The following KLRD1 variants were observed in gnomAD, a reference collection of about 807,000 sequenced individuals.
The protein encoded by KLRD1 is killer cell lectin like receptor D1.
In KLRD1, 21 loss-of-function variants were observed where a neutral mutation model predicts 22.6. That is an observed-to-expected ratio of 0.93 (90% CI 0.66 to 1.34). The LOEUF (loss-of-function observed/expected upper bound fraction) is 1.34. Ranked by LOEUF, KLRD1 falls within the 40% of genes most tolerant of loss-of-function variation. The probability of loss-of-function intolerance (pLI) is 0.00; values close to 1 mark genes in which losing one functional copy is unlikely to be tolerated. For missense variants in KLRD1, 183 were observed against 208.6 expected (o/e 0.88, Z 0.76); for synonymous variants, 59 against 71.1 (o/e 0.83, Z 0.85).
In KLRD1 at chr12:10,318,194, C is replaced by G. The variant is rs1479408854; in HGVS notation, c.*3401C>G. 7.2e-5 allele frequency: 11 copies of G among 152,114 alleles called. No individual in the cohort carries two copies. The highest frequency in any genetic ancestry group is 7.2e-4 in the Admixed American group (11 of 15,274). The allele number at this position is 152,114 out of a possible 1,614,324, so 9.4% of individuals were successfully genotyped here. A position where few individuals can be genotyped will look rare whatever the true frequency, so the allele number is the denominator to read the frequency against. ...GCTCTTTGCTTATTTCCAGAGATGC[C>G]TAGGTGTCTGTTTTTGACTCTTGGC... On this transcript the variant is annotated 3_prime_UTR_variant, in exon 6 of 6. Transcript: ENST00000336164.
At position 10,314,829 on chromosome 12, in the gene KLRD1, C is replaced by G; in HGVS notation, c.*36C>G. The G allele has an allele frequency of 6.4e-7, 1 of 1,565,190 alleles. No individual in the cohort carries two copies. The highest frequency in any genetic ancestry group is 8.7e-7 in the Non-Finnish European group (1 of 1,151,640). ...GGGCAGAGAAGGTGGAGAGTAAAGA[C>G]CCAACATTACTAACAATGATACAGT... On this transcript the variant is annotated 3_prime_UTR_variant, in exon 6 of 6. Coordinates refer to ENST00000336164, the MANE Select transcript of KLRD1 (RefSeq NM_002262.5).
intron 1 of KLRD1, among the ~76,000 whole-genome samples, chr12:10,279,028 G>T (rs1949617341): frequency 6.8e-6 from 1 of 147,702 alleles, no homozygotes. Flanking sequence ...GGGTACCTGT[G>T]GAGATTTGCT....
At chr12:10,303,522 T>A (rs989872256), upstream of KLRD1, among the ~76,000 whole-genome samples, 5 of 152,208 alleles carry the variant, frequency 3.3e-5, no homozygotes, top group African/African-American at 1.2e-4. Flanking sequence ...CTTTTCCTGA[T>A]ATAGATAATT....
intron 1 of KLRD1, among the ~76,000 whole-genome samples, chr12:10,290,842 T>C (rs1217808296): frequency 2.6e-5 from 4 of 152,134 alleles, no homozygotes; most frequent in African/African-American, 7.2e-5. Flanking sequence ...TATATATATA[T>C]ACACAAATAC....
rs1235042671 is a variant in KLRD1 at position 10,319,660 on chromosome 12, G to A, written c.*4867G>A. On this transcript the variant is annotated 3_prime_UTR_variant, in exon 6 of 6. Coordinates refer to ENST00000336164, the MANE Select transcript of KLRD1 (RefSeq NM_002262.5). ...AAGACTCTTACACACAGCCAGCAAGGAACTGAAGTCTATTTCCAATAGCCA... is the reference window on the plus strand; with the variant it reads ...AAGACTCTTACACACAGCCAGCAAGAAACTGAAGTCTATTTCCAATAGCCA... The A allele has an allele frequency of 6.6e-6, 1 of 152,044 alleles. No individual in the cohort carries two copies. Among genetic ancestry groups the A allele is most frequent in the Non-Finnish European group, 1.5e-5 (1 of 68,048 alleles). 9.4% of individuals were successfully genotyped at this position (152,044 alleles called of 1,614,324 possible).
intron 1 of KLRD1, among the ~76,000 whole-genome samples, chr12:10,280,759 C>A (rs1232433772): frequency 6.6e-6 from 1 of 151,982 alleles, no homozygotes; most frequent in Non-Finnish European, 1.5e-5. Flanking sequence ...CAGAATGCAG[C>A]AAAAAAGCAT....
intron 1 of KLRD1, among the ~76,000 whole-genome samples, chr12:10,260,629 C>T (rs529229295): frequency 1.1e-4 from 14 of 127,864 alleles, no homozygotes; most frequent in Admixed American, 9.0e-4. Context: ...GATGAAACCC[C>T]GTCTCTACTA....
At chr12:10,240,129 C>G (rs1949227105) in intron 1 of KLRD1, among the ~76,000 whole-genome samples, 1 of 151,688 alleles carries the variant, frequency 6.6e-6, no homozygotes, top group South Asian at 2.1e-4. Flanking sequence ...GGCGTGATCT[C>G]AGCTCAATGC....
chr12:10,266,463 C>A (rs7962865), intron 1 of KLRD1, among the ~76,000 whole-genome samples: 86,595 of 151,712 alleles, frequency 0.57, 27,296 homozygotes, highest in Admixed American at 0.74. Flanking sequence ...TAAAAAAATT[C>A]TTTGTATTTA....
chr12:10,285,476 T>G (rs536842186), intron 1 of KLRD1, among the ~76,000 whole-genome samples: 1 of 152,338 alleles, frequency 6.6e-6, no homozygotes, highest in East Asian at 1.9e-4. Context: ...CTGAAATAAC[T>G]CAGGGACAAA....
Position 10,314,768 on chromosome 12 carries a change from A to G in KLRD1, c.515A>G (p.Tyr172Cys), listed in dbSNP as rs1426156317. The part of the protein sequence containing the change: ...LDESCEDKNR[Y>C]ICKQQLI Reference sequence around the variant, plus strand: ...GAATCCTGTGAAGATAAAAATCGTTATATCTGTAAGCAACAGCTCATTTAA... The same window carrying G: ...GAATCCTGTGAAGATAAAAATCGTTGTATCTGTAAGCAACAGCTCATTTAA... The change falls in exon 6 of 6, where the codon TAT becomes TGT. Residue 172 changes from tyrosine (Y) to cysteine (C), a missense_variant. Transcript: ENST00000336164. 1.3e-5 allele frequency: 21 copies of G among 1,606,618 alleles called. No homozygotes were observed. Among genetic ancestry groups the G allele is most frequent in the Non-Finnish European group, 1.6e-5 (19 of 1,177,536 alleles).
At chr12:10,303,769 T>C (rs1435137013), upstream of KLRD1, among the ~76,000 whole-genome samples, 1 of 152,190 alleles carries the variant, frequency 6.6e-6, no homozygotes, top group Non-Finnish European at 1.5e-5. Context: ...AGCCCCTGCA[T>C]ATAAGATAAG....
At position 10,276,039 on chromosome 12, in the gene KLRD1, A is replaced by T. The variant is rs1254108964; in HGVS notation, c.-100-31939A>T. ...ATTATATTTGTGTGAATAGAATGAA[A>T]CTATACTTTTTTTGCATTGTTTTAT... On this transcript the variant is annotated intron_variant, in intron 1 of 5. Coordinates refer to the KLRD1 transcript ENST00000544747. Among the ~76,000 whole-genome samples the T allele has an allele frequency of 2.0e-5, 3 of 152,184 alleles. No homozygotes were observed. In the East Asian group the frequency reaches 5.8e-4, roughly 29 times the overall value.
At chr12:10,272,680 A>G (rs1039324138) in intron 1 of KLRD1, among the ~76,000 whole-genome samples, 9 of 152,216 alleles carry the variant, frequency 5.9e-5, no homozygotes, top group Non-Finnish European at 1.0e-4. Context: ...GACCAAGGCA[A>G]CAGAAGTCTT....
rs1315717346 is a variant in KLRD1, at chr12:10,324,876, T to C, written c.*10083T>C. The C allele has an allele frequency of 7.2e-6, 1 of 138,424 alleles. No individual in the cohort carries two copies. Among genetic ancestry groups the C allele is most frequent in the African/African-American group, 2.6e-5 (1 of 38,590 alleles). The allele number at this position is 138,424 out of a possible 1,614,324, so 8.6% of individuals were successfully genotyped here. ...CACAGTTGATTCTAAGTGTATCTTTTATTGTTTAACCTGCCTAAATTCACT... is the reference window on the plus strand; with the variant it reads ...CACAGTTGATTCTAAGTGTATCTTTCATTGTTTAACCTGCCTAAATTCACT... On this transcript the variant is annotated 3_prime_UTR_variant, in exon 6 of 6. Coordinates refer to ENST00000336164, the MANE Select transcript of KLRD1 (RefSeq NM_002262.5).
chr12:10,317,258 G>C lies in KLRD1; in HGVS notation c.*2465G>C, dbSNP rs1191197449. 4 of 152,138 alleles carry C rather than the reference G, an allele frequency of 2.6e-5. No individual in the cohort carries two copies. The highest frequency in any genetic ancestry group is 9.7e-5 in the African/African-American group (4 of 41,420). The allele number at this position is 152,138 out of a possible 1,614,324, so 9.4% of individuals were successfully genotyped here. Reference sequence around the variant, plus strand: ...CAATAAACATACGTGTGCATGTGAGGACAAGTAATTATTTTCTGTTTTTCT... The same window carrying C: ...CAATAAACATACGTGTGCATGTGAGCACAAGTAATTATTTTCTGTTTTTCT... On this transcript the variant is annotated 3_prime_UTR_variant, in exon 6 of 6. Transcript: ENST00000336164.
At chr12:10,247,117 G>C (rs1949300242) in intron 1 of KLRD1, among the ~76,000 whole-genome samples, 1 of 151,760 alleles carries the variant, frequency 6.6e-6, no homozygotes, top group South Asian at 2.1e-4. Flanking sequence ...ATTTTTAGTA[G>C]AGATGGGGTT....
chr12:10,281,432 A>T (rs1352693747), intron 1 of KLRD1, among the ~76,000 whole-genome samples: 2 of 152,152 alleles, frequency 1.3e-5, no homozygotes, highest in Non-Finnish European at 2.9e-5. Flanking sequence ...GCCATGCATG[A>T]AGAGTGATAG....
At chr12:10,266,363 C>A (rs1949498772) in intron 1 of KLRD1, among the ~76,000 whole-genome samples, 1 of 152,040 alleles carries the variant, frequency 6.6e-6, no homozygotes, top group Non-Finnish European at 1.5e-5. Context: ...ATTCAATGGG[C>A]AAAGGATGTA....
Sources: allele counts gnomAD v4.1 joint callset (sites outside exome capture counted in the v4.1 genomes callset), GRCh38; gene constraint gnomAD v4.1.1; transcripts MANE v1.5; gene names NCBI Gene and HGNC (gene_info 2026-07-23, HGNC 2026-07-21).